The following SPOCK1 variants were observed in gnomAD, a reference collection of about 807,000 sequenced individuals.
The protein encoded by SPOCK1 is testican-1.
SPOCK1 carries 23 observed loss-of-function variants against 55.3 expected under a neutral mutation model. The observed-to-expected ratio is 0.42, with a 90% CI of 0.30 to 0.59. The LOEUF is 0.59. SPOCK1 is among the 20% of genes least tolerant of loss of function. The pLI is 0.22. For missense variants in SPOCK1, 499 were observed against 552.5 expected (o/e 0.90, Z 0.97); for synonymous variants, 226 against 221.0 (o/e 1.02, Z -0.20).
Position 137,409,134 on chromosome 5 carries a change from C to T in SPOCK1, c.186+89239G>A, listed in dbSNP as rs186224154. On this transcript the variant is annotated intron_variant, in intron 2 of 10. Coordinates refer to ENST00000394945, the MANE Select transcript of SPOCK1 (RefSeq NM_004598.4). The stretch of plus-strand genomic sequence containing the variant: ...TCCAAAGTGTCATGACCACCCACCC[C>T]TGACTCCATCCAGGAAGCACAAGAT... Among the ~76,000 whole-genome samples the T allele has an allele frequency of 1.3e-4, 20 of 152,312 alleles. No homozygotes were observed. The East Asian group carries it at 3.3e-3, about 25-fold the overall frequency.
At chr5:137,163,975 A>C (rs951238314) in intron 3 of SPOCK1, among the ~76,000 whole-genome samples, 2 of 152,212 alleles carry the variant, frequency 1.3e-5, no homozygotes, top group African/African-American at 2.4e-5. Flanking sequence ...CATATTTCAC[A>C]CACTGGAGTA....
chr5:137,421,156 G>A (rs1256249953), intron 2 of SPOCK1, among the ~76,000 whole-genome samples: 2 of 152,218 alleles, frequency 1.3e-5, no homozygotes, highest in Non-Finnish European at 2.9e-5. Flanking sequence ...ACTGTGGTCT[G>A]AGAGACAGTT....
chr5:137,088,051 G>A (rs2881848), intron 5 of SPOCK1, among the ~76,000 whole-genome samples: 60,364 of 151,790 alleles, frequency 0.4, 12,860 homozygotes, highest in Non-Finnish European at 0.48. Context: ...AACCCAGCTT[G>A]TCAGGTCTAG....
At chr5:137,271,022 A>AATTC (rs1756950765) in intron 2 of SPOCK1, among the ~76,000 whole-genome samples, 1 of 151,564 alleles carries the variant, frequency 6.6e-6, no homozygotes. Flanking sequence ...TTAATTAATT[A>AATTC]ATTAATTAAT....
intron 3 of SPOCK1, among the ~76,000 whole-genome samples, chr5:137,245,777 AAAAAAAAAAC>A (rs758041301): frequency 0.27 from 8,900 of 33,462 alleles, 351 homozygotes; most frequent in Non-Finnish European, 0.36. Context: ...AAAACAAAAC[AAAAAAAAAAC>A]AAAAAAAAAA....
At chr5:137,347,119 A>C (rs951247057) in intron 2 of SPOCK1, among the ~76,000 whole-genome samples, 1 of 152,054 alleles carries the variant, frequency 6.6e-6, no homozygotes, top group Non-Finnish European at 1.5e-5. Context: ...CCTCCCTTGC[A>C]CCAAGCCATC....
rs577446926 is a variant in SPOCK1 at position 137,476,926 on chromosome 5, A to C, written c.186+21447T>G. Among the ~76,000 whole-genome samples, 4 of 151,392 alleles carry C rather than the reference A, an allele frequency of 2.6e-5. No individual in the cohort carries two copies. In the East Asian group the frequency reaches 7.7e-4, roughly 29 times the overall value. On this transcript the variant is annotated intron_variant, in intron 2 of 10. Transcript: ENST00000394945. ...GACAACAGAATGAGACTCTGTCTCA[A>C]AAAAAAAAGTCTTATGTATTCTTAT...
chr5:137,498,671 G>A, intron 1 of SPOCK1, 113 bp from the exon 2 acceptor site: 3 of 920,150 alleles, frequency 3.3e-6, no homozygotes, highest in Non-Finnish European at 4.1e-6. Context: ...CGGCGGGCAC[G>A]GGCAGCGCTC....
intron 2 of SPOCK1, among the ~76,000 whole-genome samples, chr5:137,298,800 T>C (rs1431596005): frequency 6.6e-6 from 1 of 152,178 alleles, no homozygotes; most frequent in Non-Finnish European, 1.5e-5. Context: ...GATATTACTA[T>C]TGTCACTCAA....
At chr5:137,036,876 GAT>G (rs1435628221) in intron 6 of SPOCK1, among the ~76,000 whole-genome samples, 1 of 152,130 alleles carries the variant, frequency 6.6e-6, no homozygotes, top group Non-Finnish European at 1.5e-5. Flanking sequence ...GTGAGACAGT[GAT>G]AGACACGGTG....
chr5:137,193,496 C>T (rs1165254173), intron 3 of SPOCK1, among the ~76,000 whole-genome samples: 1 of 152,142 alleles, frequency 6.6e-6, no homozygotes, highest in Non-Finnish European at 1.5e-5. Flanking sequence ...AGATCAGAAC[C>T]AACCACCCCC....
intron 3 of SPOCK1, among the ~76,000 whole-genome samples, chr5:137,209,177 GAAT>G: frequency 6.6e-6 from 1 of 152,268 alleles, no homozygotes; most frequent in Admixed American, 6.5e-5. Flanking sequence ...GTAGCCTCTT[GAAT>G]GTGGCAGCAA....
At chr5:137,430,958 TG>T (rs1226904539) in intron 2 of SPOCK1, among the ~76,000 whole-genome samples, 1 of 152,206 alleles carries the variant, frequency 6.6e-6, no homozygotes, top group Non-Finnish European at 1.5e-5. Flanking sequence ...GAGGCTTCTA[TG>T]AAAGCTTTTG....
At chr5:137,137,034 T>C (rs1161219490) in intron 4 of SPOCK1, among the ~76,000 whole-genome samples, 1 of 152,186 alleles carries the variant, frequency 6.6e-6, no homozygotes, top group Non-Finnish European at 1.5e-5. Flanking sequence ...CAGTCACAGA[T>C]GTGTGTGTCA....
At chr5:137,074,805 G>T (rs930647757) in intron 5 of SPOCK1, among the ~76,000 whole-genome samples, 11 of 151,848 alleles carry the variant, frequency 7.2e-5, no homozygotes, top group African/African-American at 2.7e-4. Context: ...CCCAGGTTCA[G>T]GCCATTCTCC....
chr5:137,491,756 G>GGTTT (rs1311468516), intron 2 of SPOCK1, among the ~76,000 whole-genome samples: 3 of 152,162 alleles, frequency 2.0e-5, no homozygotes, highest in African/African-American at 7.2e-5. Flanking sequence ...TCATCCAAGA[G>GGTTT]GTTTGCTCAG....
chr5:136,989,505 G>A (rs991984664), intron 7 of SPOCK1, among the ~76,000 whole-genome samples: 1 of 152,122 alleles, frequency 6.6e-6, no homozygotes, highest in African/African-American at 2.4e-5. Flanking sequence ...AAAAGTGAAC[G>A]TCTGTTGCTA....
At chr5:137,104,872 T>C (rs1753335129) in intron 5 of SPOCK1, among the ~76,000 whole-genome samples, 1 of 152,142 alleles carries the variant, frequency 6.6e-6, no homozygotes, top group Non-Finnish European at 1.5e-5. Context: ...GTAATAATAA[T>C]AGAAATAAAG....
At chr5:137,482,419 C>T (rs1753969122) in intron 2 of SPOCK1, among the ~76,000 whole-genome samples, 1 of 152,134 alleles carries the variant, frequency 6.6e-6, no homozygotes, top group Non-Finnish European at 1.5e-5. Context: ...TTTCCCACCC[C>T]AAGGCAGAGA....
Sources: gnomAD v4.1 joint callset for allele counts (sites outside exome capture counted in the v4.1 genomes callset) on GRCh38, gnomAD v4.1.1 for gene constraint, MANE v1.5 for transcripts, NCBI Gene and HGNC (gene_info 2026-07-23, HGNC 2026-07-21) for gene names.